The following FRMD5 variants were observed in gnomAD, a reference collection of about 807,000 sequenced individuals.
The protein encoded by FRMD5 is FERM domain-containing protein 5.
FRMD5 carries 20 observed loss-of-function variants against 69.0 expected under a neutral mutation model. The observed-to-expected ratio is 0.29, with a 90% confidence interval of 0.20 to 0.42. FRMD5 has a LOEUF of 0.42. Among genes scored for constraint, FRMD5 ranks in the 10% least tolerant of loss-of-function variants. The probability of loss-of-function intolerance (pLI) is 1.00; values close to 1 mark genes in which losing one functional copy is unlikely to be tolerated. For synonymous variants in FRMD5, 271 were observed against 260.1 expected, an observed-to-expected ratio of 1.04 and a Z score of -0.40; for missense variants, 595 against 708.6, an observed-to-expected ratio of 0.84 and a Z score of 1.82.
intron 1 of FRMD5, among the ~76,000 whole-genome samples, chr15:43,982,280 G>A (rs184988142): frequency 1.6e-4 from 24 of 152,296 alleles, no homozygotes; most frequent in Admixed American, 1.2e-3. Flanking sequence ...GTTGCCAGGG[G>A]CATTGTCTGA....
intron 1 of FRMD5, among the ~76,000 whole-genome samples, chr15:44,006,010 A>G (rs1310885522): frequency 6.6e-6 from 1 of 152,218 alleles, no homozygotes; most frequent in Non-Finnish European, 1.5e-5. Flanking sequence ...AATGTAGATT[A>G]AACAGCCTTC....
At chr15:44,116,238 G>A (rs2076866855) in intron 1 of FRMD5, among the ~76,000 whole-genome samples, 1 of 150,582 alleles carries the variant, frequency 6.6e-6, no homozygotes, top group South Asian at 2.1e-4. Flanking sequence ...GAGAGAGAGA[G>A]AGAGGGAGAG....
chr15:43,880,371 C>A (rs1466360901), intron 13 of FRMD5, among the ~76,000 whole-genome samples: 1 of 152,188 alleles, frequency 6.6e-6, no homozygotes, highest in East Asian at 1.9e-4. Flanking sequence ...CAGCCCCTCC[C>A]TCCCTGGTTG....
chr15:43,960,144 A>G (rs1005841163), intron 1 of FRMD5, among the ~76,000 whole-genome samples: 1 of 152,154 alleles, frequency 6.6e-6, no homozygotes, highest in East Asian at 1.9e-4. Flanking sequence ...GCTGGAGTGC[A>G]GTGGCACAAT....
At chr15:44,075,097 A>G (rs1409636164) in intron 1 of FRMD5, among the ~76,000 whole-genome samples, 1 of 152,184 alleles carries the variant, frequency 6.6e-6, no homozygotes, top group Non-Finnish European at 1.5e-5. Flanking sequence ...TCTGAATAGT[A>G]TAAAATAGAA....
At chr15:43,877,522 T>A (rs984575488) in intron 13 of FRMD5, among the ~76,000 whole-genome samples, 1 of 152,176 alleles carries the variant, frequency 6.6e-6, no homozygotes, top group Non-Finnish European at 1.5e-5. Context: ...TTAAGGATTC[T>A]CCAGAGGAAT....
chr15:43,897,791 C>G (rs1775088364), intron 7 of FRMD5, among the ~76,000 whole-genome samples: 1 of 152,048 alleles, frequency 6.6e-6, no homozygotes. Flanking sequence ...AATTTTAACC[C>G]CCATGTGACA....
At chr15:44,036,058 CAT>C (rs1360288785) in intron 1 of FRMD5, among the ~76,000 whole-genome samples, 3 of 152,122 alleles carry the variant, frequency 2.0e-5, no homozygotes, top group Admixed American at 6.5e-5. Flanking sequence ...GAAACTGCGT[CAT>C]ATGTCACAAA....
intron 1 of FRMD5, among the ~76,000 whole-genome samples, chr15:44,055,392 G>A (rs1004892766): frequency 2.0e-5 from 3 of 152,114 alleles, no homozygotes; most frequent in Non-Finnish European, 4.4e-5. Flanking sequence ...AGTAGTCTAT[G>A]TTTTTACGAC....
intron 1 of FRMD5, among the ~76,000 whole-genome samples, chr15:43,982,837 C>G (rs1415801594): frequency 6.6e-6 from 1 of 152,108 alleles, no homozygotes; most frequent in Non-Finnish European, 1.5e-5. Flanking sequence ...GGGTATGAGA[C>G]TTGCTGTAAA....
chr15:44,073,395 C>T (rs1278552106), intron 1 of FRMD5, among the ~76,000 whole-genome samples: 1 of 151,994 alleles, frequency 6.6e-6, no homozygotes, highest in Non-Finnish European at 1.5e-5. Flanking sequence ...AATTATTGTC[C>T]ATAAGTGCTG....
At chr15:44,063,620 T>C in intron 1 of FRMD5, 1 of 516,490 alleles carries the variant, frequency 1.9e-6, no homozygotes, top group South Asian at 1.5e-5. Flanking sequence ...AATGATCCCT[T>C]TGTTGACCTC....
chr15:44,151,260 G>A (rs1487369014), intron 1 of FRMD5, among the ~76,000 whole-genome samples: 1 of 151,842 alleles, frequency 6.6e-6, no homozygotes. Context: ...AGCCAAGCAT[G>A]GTGGTGGGCG....
intron 10 of FRMD5, among the ~76,000 whole-genome samples, chr15:43,886,293 T>A (rs1370090967): frequency 6.6e-6 from 1 of 152,180 alleles, no homozygotes; most frequent in East Asian, 1.9e-4. Context: ...TCCATCTCCC[T>A]TTTGGAGGGT....
chr15:43,938,194 G>A (rs562237804), intron 1 of FRMD5, among the ~76,000 whole-genome samples: 9 of 145,840 alleles, frequency 6.2e-5, no homozygotes, highest in Admixed American at 5.5e-4. Flanking sequence ...TCGCGCCACT[G>A]GCAATCTGGC....
intron 1 of FRMD5, among the ~76,000 whole-genome samples, chr15:44,185,771 C>T (rs1296987595): frequency 2.0e-5 from 3 of 150,156 alleles, no homozygotes; most frequent in East Asian, 3.9e-4. Context: ...CCAGCTTGGG[C>T]GACAGAGTGA....
Position 44,174,879 on chromosome 15 carries a change from G to A in FRMD5, c.102+20074C>T, listed in dbSNP as rs111844611. Among the ~76,000 whole-genome samples, 597 of 152,164 alleles carry A rather than the reference G, an allele frequency of 3.9e-3. 5 individuals carry two copies. Among genetic ancestry groups the A allele is most frequent in the African/African-American group, 0.013 (558 of 41,504 alleles). On this transcript the variant is annotated intron_variant, in intron 1 of 13. Transcript: ENST00000417257. ...ATGAGAACACATGGACACAGGGAGG[G>A]AACATCACACACCGGGGCCTGTTGG...
chr15:44,141,224 C>A (rs2077269765), intron 1 of FRMD5, among the ~76,000 whole-genome samples: 1 of 151,746 alleles, frequency 6.6e-6, no homozygotes, highest in Non-Finnish European at 1.5e-5. Context: ...TCAAATTATG[C>A]CAAAAAAAAT....
intron 1 of FRMD5, among the ~76,000 whole-genome samples, chr15:43,937,933 T>C (rs2089789811): frequency 6.6e-6 from 1 of 152,154 alleles, no homozygotes; most frequent in South Asian, 2.1e-4. Flanking sequence ...CACACCACTC[T>C]TGACAGAAAC....
Sources: gnomAD v4.1 joint callset for allele counts (sites outside exome capture counted in the v4.1 genomes callset) on GRCh38, gnomAD v4.1.1 for gene constraint, MANE v1.5 for transcripts, NCBI Gene and HGNC (gene_info 2026-07-23, HGNC 2026-07-21) for gene names.